Variants in ENTREP2 observed in about 807,000 individuals in gnomAD.
The protein encoded by ENTREP2 is endosomal transmembrane epsin interactor 2.
chr15:29,385,112 T>C, the ENTREP2 span, among the ~76,000 whole-genome samples: 1 of 152,160 alleles, frequency 6.6e-6, no homozygotes. Flanking sequence ...GCATCTTTAA[T>C]AAACTCAGAT....
At chr15:29,642,580 T>TAC in the ENTREP2 span, among the ~76,000 whole-genome samples, 1 of 148,220 alleles carries the variant, frequency 6.7e-6, no homozygotes, top group Admixed American at 6.8e-5. Context: ...ACTATATATA[T>TAC]ACTATATATA....
chr15:29,512,204 T>C, the ENTREP2 span, among the ~76,000 whole-genome samples: 1 of 152,168 alleles, frequency 6.6e-6, no homozygotes, highest in Non-Finnish European at 1.5e-5. Context: ...AGTTTGTTTA[T>C]ATTTGTATTT....
chr15:29,269,058 G>A, the ENTREP2 span: 71 of 1,614,154 alleles, frequency 4.4e-5, no homozygotes, highest in East Asian at 1.5e-3. Flanking sequence ...TTGGATCTCC[G>A]AAAATTAAAT....
chr15:29,498,829 G>A, the ENTREP2 span, among the ~76,000 whole-genome samples: 143 of 151,966 alleles, frequency 9.4e-4, 1 homozygote, highest in African/African-American at 3.0e-3. Flanking sequence ...TATTATTTAC[G>A]TGGTCTGATG....
At chr15:29,203,153 G>A in the ENTREP2 span, among the ~76,000 whole-genome samples, 1,339 of 152,248 alleles carry the variant, frequency 8.8e-3, 11 homozygotes, top group Non-Finnish European at 0.014. Context: ...CTATAATCCC[G>A]GTACTTTGGG....
chr15:29,405,332 T>C, the ENTREP2 span, among the ~76,000 whole-genome samples: 158 of 149,818 alleles, frequency 1.1e-3, no homozygotes, highest in Non-Finnish European at 1.9e-3. Flanking sequence ...GAGGTTGCAG[T>C]GAGCCAAGAT....
At chr15:29,499,328 A>G in the ENTREP2 span, among the ~76,000 whole-genome samples, 7 of 152,026 alleles carry the variant, frequency 4.6e-5, no homozygotes, top group Non-Finnish European at 8.8e-5. Context: ...TTGCTTTGCC[A>G]TTACCATGAG....
the ENTREP2 span, among the ~76,000 whole-genome samples, chr15:29,439,475 A>G: frequency 3.3e-5 from 5 of 152,200 alleles, no homozygotes; most frequent in Admixed American, 3.3e-4. Context: ...TAATGTCACA[A>G]TGACTAAATT....
At chr15:29,442,722 C>T in the ENTREP2 span, among the ~76,000 whole-genome samples, 1 of 152,184 alleles carries the variant, frequency 6.6e-6, no homozygotes, top group South Asian at 2.1e-4. Context: ...CCGTGCCCCC[C>T]GACCTGGAAA....
the ENTREP2 span, among the ~76,000 whole-genome samples, chr15:29,240,196 C>T: frequency 6.6e-6 from 1 of 152,166 alleles, no homozygotes; most frequent in East Asian, 1.9e-4. Flanking sequence ...AACCCTGTCT[C>T]TACTAAAAAT....
At chr15:29,441,220 A>G in the ENTREP2 span, among the ~76,000 whole-genome samples, 1 of 152,146 alleles carries the variant, frequency 6.6e-6, no homozygotes, top group Non-Finnish European at 1.5e-5. Flanking sequence ...AAAAGGACAA[A>G]TATGTGTGAC....
chr15:29,408,756 T>G, the ENTREP2 span, among the ~76,000 whole-genome samples: 1 of 152,168 alleles, frequency 6.6e-6, no homozygotes, highest in African/African-American at 2.4e-5. Flanking sequence ...TTTTTAAACT[T>G]TATATTCTGA....
chr15:29,537,516 T>C, the ENTREP2 span, among the ~76,000 whole-genome samples: 1 of 152,276 alleles, frequency 6.6e-6, no homozygotes. Context: ...ACGCACCCTA[T>C]ATACAGTACA....
chr15:29,561,631 T>A, the ENTREP2 span, among the ~76,000 whole-genome samples: 1 of 151,994 alleles, frequency 6.6e-6, no homozygotes, highest in Admixed American at 6.6e-5. Flanking sequence ...GAGCTTGCAG[T>A]GAGCCGAGAC....
chr15:29,541,922 T>G, the ENTREP2 span, among the ~76,000 whole-genome samples: 30 of 152,246 alleles, frequency 2.0e-4, no homozygotes, highest in Middle Eastern at 3.2e-3. Flanking sequence ...AGCCTATCTT[T>G]TACGCTTTTC....
the ENTREP2 span, among the ~76,000 whole-genome samples, chr15:29,333,963 G>A: frequency 7.2e-5 from 11 of 152,036 alleles, no homozygotes; most frequent in East Asian, 7.8e-4. Context: ...GGAACGTCAC[G>A]TCACGGATTA....
chr15:29,248,406 G>A, the ENTREP2 span, among the ~76,000 whole-genome samples: 1 of 151,772 alleles, frequency 6.6e-6, no homozygotes, highest in East Asian at 1.9e-4. Context: ...AAAATTAAAA[G>A]GCAAATAACA....
At chr15:29,142,744 G>A in the ENTREP2 span, among the ~76,000 whole-genome samples, 3 of 152,248 alleles carry the variant, frequency 2.0e-5, no homozygotes, top group South Asian at 2.1e-4. Context: ...GTTAATAAGC[G>A]CATGCCTAAT....
the ENTREP2 span, among the ~76,000 whole-genome samples, chr15:29,516,095 T>G: frequency 6.6e-6 from 1 of 152,132 alleles, no homozygotes; most frequent in African/African-American, 2.4e-5. Context: ...TGGAGAGATT[T>G]TTTTTTAATG....
Sources: gnomAD v4.1 joint callset for allele counts (sites outside exome capture counted in the v4.1 genomes callset) on GRCh38, gnomAD v4.1.1 for gene constraint, MANE v1.5 for transcripts, NCBI Gene and HGNC (gene_info 2026-07-23, HGNC 2026-07-21) for gene names.